The following MED9 variants were observed in gnomAD, a reference collection of about 807,000 sequenced individuals.
MED9 encodes the protein mediator complex subunit 9.
Under a neutral mutation model 13.2 loss-of-function variants are expected in MED9, and 8 were observed. The observed-to-expected ratio is 0.61, with a 90% CI of 0.36 to 1.10. MED9 has a LOEUF of 1.10. Among genes scored for constraint, MED9 ranks in the 50% least tolerant of loss-of-function variants. MED9 has a pLI of 0.02. For missense variants in MED9, 180 were observed against 193.4 expected (o/e 0.93, Z 0.41); for synonymous variants, 87 against 82.8 (o/e 1.05, Z -0.28).
At position 17,492,808 on chromosome 17, in the gene MED9, T is replaced by C. The variant is rs1905266716; in HGVS notation, c.*1313T>C. ...GGAGATGTTTTTAGCAGAGCTTCCA[T>C]TAGTGTAGACCTGTAGCCACCTGTC... On this transcript the variant is annotated 3_prime_UTR_variant, in exon 2 of 2. Transcript: ENST00000268711. The C allele has an allele frequency of 6.6e-6, 1 of 152,302 alleles. No individual in the cohort carries two copies. The highest frequency in any genetic ancestry group is 2.4e-5 in the African/African-American group (1 of 41,458). 9.4% of individuals were successfully genotyped at this position (152,302 alleles called of 1,614,324 possible). A position where few individuals can be genotyped will look rare whatever the true frequency, so the allele number is the denominator to read the frequency against.
At chr17:17,477,375 A>G in intron 1 of MED9, 110 bp downstream of exon 1, 1 of 1,236,384 alleles carries the variant, frequency 8.1e-7, no homozygotes, top group Non-Finnish European at 1.1e-6. Context: ...CGTTTCACAG[A>G]TGGGGAAACT....
intron 1 of MED9, among the ~76,000 whole-genome samples, chr17:17,482,933 TC>T (rs1483381294): frequency 3.9e-5 from 6 of 152,234 alleles, no homozygotes; most frequent in Admixed American, 2.0e-4. Flanking sequence ...TCTCTCCTTC[TC>T]CAGCACCAAA....
intron 1 of MED9, chr17:17,487,046 G>A (rs1205269111): frequency 6.6e-6 from 1 of 152,210 alleles, no homozygotes; most frequent in East Asian, 1.9e-4. Flanking sequence ...TCAGCACCCT[G>A]TGTTTAGCTC....
In MED9 at chr17:17,491,641, C is replaced by T. The variant is rs945119534; in HGVS notation, c.*146C>T. The T allele has an allele frequency of 6.3e-6, 5 of 793,678 alleles. No individual in the cohort carries two copies. Among genetic ancestry groups the T allele is most frequent in the African/African-American group, 1.7e-5 (1 of 57,666 alleles). The allele number at this position is 793,678 out of a possible 1,614,324, so 49.2% of individuals were successfully genotyped here. A position where few individuals can be genotyped will look rare whatever the true frequency, so the allele number is the denominator to read the frequency against. Reference sequence around the variant, plus strand: ...GGCGGGGCTCCTGTGCTGCTGCGCGCGCTTCGCCTGTGCGGGAGCCAGCGC... The same window carrying T: ...GGCGGGGCTCCTGTGCTGCTGCGCGTGCTTCGCCTGTGCGGGAGCCAGCGC... On this transcript the variant is annotated 3_prime_UTR_variant, in exon 2 of 2. Coordinates refer to ENST00000268711, the MANE Select transcript of MED9 (RefSeq NM_018019.3).
chr17:17,487,030 C>G (rs960087558), intron 1 of MED9: 1 of 152,166 alleles, frequency 6.6e-6, no homozygotes, highest in African/African-American at 2.4e-5. Flanking sequence ...TTTGTAAACA[C>G]ACCAATCAGC....
At chr17:17,488,796 G>T (rs1052409891) in intron 1 of MED9, among the ~76,000 whole-genome samples, 1 of 151,778 alleles carries the variant, frequency 6.6e-6, no homozygotes, top group Admixed American at 6.6e-5. Flanking sequence ...TCGCACCATT[G>T]CACTCCAGCC....
chr17:17,479,848 T>G (rs1314973483), intron 1 of MED9, among the ~76,000 whole-genome samples: 1 of 152,072 alleles, frequency 6.6e-6, no homozygotes, highest in Non-Finnish European at 1.5e-5. Flanking sequence ...AGGAGATGAT[T>G]GCCACAAAGT....
intron 1 of MED9, among the ~76,000 whole-genome samples, chr17:17,490,947 T>C (rs1001988960): frequency 6.6e-6 from 1 of 152,180 alleles, no homozygotes; most frequent in African/African-American, 2.4e-5. Flanking sequence ...TGAGTGCCTG[T>C]AGTGACCTAC....
rs1057100568 is a variant in MED9, at chr17:17,492,930, G to A, written c.*1435G>A. ...GAAAAGAAGGCTCTGGATTTAAGCG[G>A]GTGGTCACCTGTGAGACCAGGTCTA... On this transcript the variant is annotated 3_prime_UTR_variant, in exon 2 of 2. Coordinates refer to ENST00000268711, the MANE Select transcript of MED9 (RefSeq NM_018019.3). The A allele has an allele frequency of 2.0e-5, 3 of 152,240 alleles. No individual in the cohort carries two copies. Among genetic ancestry groups the A allele is most frequent in the African/African-American group, 7.2e-5 (3 of 41,446 alleles). 9.4% of individuals were successfully genotyped at this position (152,240 alleles called of 1,614,324 possible). A position where few individuals can be genotyped will look rare whatever the true frequency, so the allele number is the denominator to read the frequency against.
In MED9 at chr17:17,477,023, C is replaced by G. The variant is rs1424917822; in HGVS notation, c.-19C>G. On this transcript the variant is annotated 5_prime_UTR_variant, in exon 1 of 2. Transcript: ENST00000268711. ...ACGCTTTTGGCGACCCGACCTCTGG[C>G]TAACCTACCCCCGGAGCCATGGCCT... 2 of 1,603,546 alleles carry G rather than the reference C, an allele frequency of 1.2e-6. No individual in the cohort carries two copies. The highest frequency in any genetic ancestry group is 1.7e-6 in the Non-Finnish European group (2 of 1,179,556).
In MED9 at chr17:17,491,698, A is replaced by G; in HGVS notation, c.*203A>G. 1 of 588,646 alleles carries G rather than the reference A, an allele frequency of 1.7e-6. No individual in the cohort carries two copies. Among genetic ancestry groups the G allele is most frequent in the South Asian group, 2.0e-5 (1 of 50,164 alleles). 36.5% of individuals were successfully genotyped at this position (588,646 alleles called of 1,614,324 possible). On this transcript the variant is annotated 3_prime_UTR_variant, in exon 2 of 2. Coordinates refer to ENST00000268711, the MANE Select transcript of MED9 (RefSeq NM_018019.3). Reference sequence around the variant, plus strand: ...TGGCTGCGCCGGGGGTTCCTCGTGTAGATCCATATGTCTAGATGCATAATA... The same window carrying G: ...TGGCTGCGCCGGGGGTTCCTCGTGTGGATCCATATGTCTAGATGCATAATA...
At chr17:17,477,460 C>A in intron 1 of MED9, 195 bp downstream of exon 1, 1 of 585,986 alleles carries the variant, frequency 1.7e-6, no homozygotes, top group Non-Finnish European at 2.9e-6. Flanking sequence ...ATTTGAGCCT[C>A]GAGAGGTGCG....
chr17:17,491,509 T>A lies in MED9; in HGVS notation c.*14T>A. 6.3e-7 allele frequency: 1 copy of A among 1,597,086 alleles called. No individual in the cohort carries two copies. The highest frequency in any genetic ancestry group is 8.6e-7 in the Non-Finnish European group (1 of 1,165,238). ...CCCAAGGAGTAGAGTGAGGCTGACT[T>A]CCTTAGAAAGAGGGGGAAGCCAATG... On this transcript the variant is annotated 3_prime_UTR_variant, in exon 2 of 2. Transcript: ENST00000268711.
At chr17:17,481,001 A>AC (rs1331166562) in intron 1 of MED9, among the ~76,000 whole-genome samples, 1 of 152,210 alleles carries the variant, frequency 6.6e-6, no homozygotes, top group Non-Finnish European at 1.5e-5. Flanking sequence ...ACATGTAAGG[A>AC]CACGAAGCCA....
chr17:17,488,371 C>T (rs895311354), intron 1 of MED9: 1 of 152,224 alleles, frequency 6.6e-6, no homozygotes, highest in African/African-American at 2.4e-5. Flanking sequence ...AGCATCCATG[C>T]TAAAAAGAAG....
intron 1 of MED9, among the ~76,000 whole-genome samples, chr17:17,490,453 A>C (rs56170742): frequency 0.017 from 2,557 of 152,254 alleles, 73 homozygotes; most frequent in African/African-American, 0.058. Flanking sequence ...AACAAACAAA[A>C]AATGTACAGG....
chr17:17,477,530 A>G (rs1238585256), intron 1 of MED9: 1 of 460,246 alleles, frequency 2.2e-6, no homozygotes, highest in Non-Finnish European at 3.8e-6. Flanking sequence ...CAGCGGCTCA[A>G]ATGTTCATCC....
chr17:17,485,304 G>T (rs569135168), intron 1 of MED9: 2 of 398,466 alleles, frequency 5.0e-6, no homozygotes, highest in East Asian at 7.1e-5. Context: ...TTTTAGTAGA[G>T]ACGGGGCTGG....
chr17:17,490,390 C>T (rs1004751915), intron 1 of MED9, among the ~76,000 whole-genome samples: 4 of 152,198 alleles, frequency 2.6e-5, no homozygotes, highest in South Asian at 2.1e-4. Flanking sequence ...TGCAGTGAGC[C>T]GAGATCGCAC....
Sources: gnomAD v4.1 joint callset for allele counts (sites outside exome capture counted in the v4.1 genomes callset) on GRCh38, gnomAD v4.1.1 for gene constraint, MANE v1.5 for transcripts, NCBI Gene and HGNC (gene_info 2026-07-23, HGNC 2026-07-21) for gene names.